Variants in SH3RF1 observed in about 807,000 individuals in gnomAD.
SH3RF1 encodes the protein SH3 domain containing ring finger 1.
SH3RF1 carries 32 observed loss-of-function variants against 74.0 expected under a neutral mutation model. The observed-to-expected ratio is 0.43, with a 90% CI of 0.33 to 0.58. The LOEUF is 0.58. Among genes scored for constraint, SH3RF1 ranks in the 20% least tolerant of loss-of-function variants. The pLI is 0.05. For synonymous variants in SH3RF1, 396 were observed against 439.6 expected, an observed-to-expected ratio of 0.90 and a Z score of 1.24; for missense variants, 954 against 1,130.9, an observed-to-expected ratio of 0.84 and a Z score of 2.24.
intron 2 of SH3RF1, among the ~76,000 whole-genome samples, chr4:169,192,814 T>TATATCATATAG (rs1734746839): frequency 2.0e-5 from 3 of 148,510 alleles, no homozygotes; most frequent in African/African-American, 7.4e-5. Flanking sequence ...ATATGATATA[T>TATATCATATAG]ATGTGATATA....
intron 6 of SH3RF1, among the ~76,000 whole-genome samples, chr4:169,125,592 C>T (rs1733512347): frequency 6.6e-6 from 1 of 152,142 alleles, no homozygotes; most frequent in African/African-American, 2.4e-5. Context: ...GGTTCATTTC[C>T]TTTCTAATTG....
chr4:169,096,967 G>T (rs1397422515), intron 11 of SH3RF1, among the ~76,000 whole-genome samples: 1 of 152,184 alleles, frequency 6.6e-6, no homozygotes, highest in Non-Finnish European at 1.5e-5. Context: ...ACCAGTGTTT[G>T]TATCTTGGCC....
rs578030864 is a variant in SH3RF1 at position 169,180,909 on chromosome 4, G to A, written c.394-24230C>T. Among the ~76,000 whole-genome samples the A allele has an allele frequency of 7.2e-5, 11 of 152,198 alleles. No homozygotes were observed. The South Asian group carries it at 2.3e-3, about 32-fold the overall frequency. On this transcript the variant is annotated intron_variant, in intron 2 of 11. Transcript: ENST00000284637. ...CCTTAGAAATCTTGAGCACCTATTAGCATTCTCAGCACTAGCCGGACGAAG... is the reference window on the plus strand; with the variant it reads ...CCTTAGAAATCTTGAGCACCTATTAACATTCTCAGCACTAGCCGGACGAAG...
chr4:169,187,422 C>A (rs1011851686), intron 2 of SH3RF1, among the ~76,000 whole-genome samples: 8 of 152,038 alleles, frequency 5.3e-5, no homozygotes, highest in African/African-American at 1.7e-4. Context: ...AACTCTTGGG[C>A]TCAAGCAATC....
chr4:169,114,276 G>A (rs557071824), intron 10 of SH3RF1, among the ~76,000 whole-genome samples: 96 of 152,236 alleles, frequency 6.3e-4, no homozygotes, highest in African/African-American at 1.1e-3. Flanking sequence ...TTGACCTGTG[G>A]TCTCATTTCC....
intron 11 of SH3RF1, among the ~76,000 whole-genome samples, chr4:169,099,585 A>G (rs1394837302): frequency 1.3e-5 from 2 of 152,214 alleles, no homozygotes; most frequent in Non-Finnish European, 2.9e-5. Flanking sequence ...AAGTGACTCA[A>G]AACATATTCA....
chr4:169,219,463 G>T (rs1357628144), intron 2 of SH3RF1, among the ~76,000 whole-genome samples: 1 of 151,956 alleles, frequency 6.6e-6, no homozygotes, highest in Non-Finnish European at 1.5e-5. Flanking sequence ...TTATTTTCAG[G>T]TTTTTCCTCC....
intron 4 of SH3RF1, among the ~76,000 whole-genome samples, chr4:169,153,289 C>T (rs1734002176): frequency 6.6e-6 from 1 of 152,150 alleles, no homozygotes; most frequent in South Asian, 2.1e-4. Flanking sequence ...CTTCTCCAAA[C>T]TTCTAGGAGA....
At chr4:169,172,552 C>T (rs1734348392) in intron 2 of SH3RF1, among the ~76,000 whole-genome samples, 1 of 152,016 alleles carries the variant, frequency 6.6e-6, no homozygotes, top group Non-Finnish European at 1.5e-5. Context: ...TAATTATGAC[C>T]TTATTGTTTT....
rs1333722330 is a variant in SH3RF1 at position 169,221,218 on chromosome 4, T to C, written c.393+47602A>G. On this transcript the variant is annotated intron_variant, in intron 2 of 11. Transcript: ENST00000284637. ...GCAGGCAAGTCAAGTAGTGATTTTA[T>C]TCTTTTTGTCATTTTTCTTTCAAGT... is the stretch of plus-strand genomic sequence containing the variant. Among the ~76,000 whole-genome samples the C allele has an allele frequency of 2.0e-5, 3 of 152,330 alleles. No homozygotes were observed. In the East Asian group the frequency reaches 5.8e-4, roughly 29 times the overall value.
chr4:169,181,090 G>A (rs1302129494), intron 2 of SH3RF1, among the ~76,000 whole-genome samples: 7 of 151,846 alleles, frequency 4.6e-5, no homozygotes, highest in Non-Finnish European at 8.8e-5. Context: ...TATAAAATTC[G>A]AATGTTCTTA....
chr4:169,237,541 G>A (rs1041862929), intron 2 of SH3RF1, among the ~76,000 whole-genome samples: 4 of 152,092 alleles, frequency 2.6e-5, no homozygotes, highest in Admixed American at 2.6e-4. Flanking sequence ...TACCCATAAG[G>A]TAGCTGCCTA....
chr4:169,195,601 C>T (rs1181185741), intron 2 of SH3RF1, among the ~76,000 whole-genome samples: 2 of 151,952 alleles, frequency 1.3e-5, no homozygotes, highest in Non-Finnish European at 2.9e-5. Flanking sequence ...GGTCTCTTAA[C>T]CTTTCTTCTA....
intron 2 of SH3RF1, among the ~76,000 whole-genome samples, chr4:169,223,503 C>T (rs189643624): frequency 1.3e-3 from 191 of 152,254 alleles, no homozygotes; most frequent in Non-Finnish European, 2.4e-3. Context: ...AAGAGACATC[C>T]GCTCACTCAT....
At chr4:169,102,669 T>C (rs994617911) in intron 11 of SH3RF1, among the ~76,000 whole-genome samples, 2 of 152,168 alleles carry the variant, frequency 1.3e-5, no homozygotes, top group African/African-American at 4.8e-5. Context: ...ATTTGTTCTA[T>C]TGTTTCTGCT....
chr4:169,148,102 A>C (rs920198610), intron 4 of SH3RF1, among the ~76,000 whole-genome samples: 3 of 152,226 alleles, frequency 2.0e-5, no homozygotes, highest in African/African-American at 7.2e-5. Context: ...TGAGAAAATG[A>C]AATGTTTCAT....
At chr4:169,220,168 A>G (rs1004014614) in intron 2 of SH3RF1, 5 of 152,228 alleles carry the variant, frequency 3.3e-5, no homozygotes, top group Non-Finnish European at 7.3e-5. Context: ...TGCAAGGAAT[A>G]GTTTTGTTAT....
intron 2 of SH3RF1, among the ~76,000 whole-genome samples, chr4:169,204,800 C>T (rs1317911663): frequency 1.3e-5 from 2 of 152,158 alleles, no homozygotes; most frequent in African/African-American, 2.4e-5. Flanking sequence ...CCACCCGCCT[C>T]GGCCTCCCAA....
rs979306382 is a variant in SH3RF1, at chr4:169,096,255, A to T, written c.*264T>A. ...ATTGTCCATTTTAGTCATATATCTT[A>T]AAAAAAAAAAAAAGTTTCTCTGTGT... On this transcript the variant is annotated 3_prime_UTR_variant, in exon 12 of 12. Coordinates refer to ENST00000284637, the MANE Select transcript of SH3RF1 (RefSeq NM_020870.4). 9 of 159,280 alleles carry T rather than the reference A, an allele frequency of 5.7e-5. No individual in the cohort carries two copies. Among genetic ancestry groups the T allele is most frequent in the African/African-American group, 2.0e-4 (8 of 39,888 alleles). The allele number at this position is 159,280 out of a possible 1,614,324, so 9.9% of individuals were successfully genotyped here. A position where few individuals can be genotyped will look rare whatever the true frequency, so the allele number is the denominator to read the frequency against.
Sources: gnomAD v4.1 joint callset for allele counts (sites outside exome capture counted in the v4.1 genomes callset) on GRCh38, gnomAD v4.1.1 for gene constraint, MANE v1.5 for transcripts, NCBI Gene and HGNC (gene_info 2026-07-23, HGNC 2026-07-21) for gene names.